The following PLCB4 variants were observed in gnomAD, a reference collection of about 807,000 sequenced individuals.
PLCB4 encodes phospholipase C beta 4, also known as 1-phosphatidylinositol 4,5-bisphosphate phosphodiesterase beta-4.
In PLCB4, 77 loss-of-function variants were observed where a neutral mutation model predicts 178.8. That is an observed-to-expected ratio of 0.43 (90% CI 0.36 to 0.52). PLCB4 has a LOEUF of 0.52. Ranked by LOEUF, PLCB4 falls within the 20% of genes least tolerant of loss-of-function variation. The pLI is 0.00. For synonymous variants in PLCB4, 496 were observed against 490.8 expected (o/e 1.01, Z -0.14); for missense variants, 1,024 against 1,453.4 (o/e 0.70, Z 4.80).
chr20:9,073,885 T>TA lies in PLCB4; in HGVS notation c.-135+4685dup, dbSNP rs71331359. Among the ~76,000 whole-genome samples the TA allele has an allele frequency of 2.8e-5, 4 of 140,934 alleles. No homozygotes were observed. The South Asian group carries it at 6.8e-4, about 24-fold the overall frequency. The allele number at this position is 140,934 out of a possible 152,430, so 92.5% of individuals were successfully genotyped here. ...CCTGGGTGACAGAGTGACAGTCTAT[T>TA]AAAAAATAATAATAAAATGAAAATA... On this transcript the variant is annotated intron_variant, in intron 1 of 39. Transcript: ENST00000378473.
At chr20:9,278,594 A>G (rs2094469126) in intron 3 of PLCB4, among the ~76,000 whole-genome samples, 1 of 152,110 alleles carries the variant, frequency 6.6e-6, no homozygotes, top group East Asian at 1.9e-4. Flanking sequence ...GCTTTACTAG[A>G]TGCTGGGCCC....
At chr20:9,303,892 C>T (rs2147848014) in intron 3 of PLCB4, among the ~76,000 whole-genome samples, 1 of 152,182 alleles carries the variant, frequency 6.6e-6, no homozygotes, top group South Asian at 2.1e-4. Flanking sequence ...ACAATATTCT[C>T]TTAGAATATT....
At chr20:9,171,310 T>C (rs916776582) in intron 2 of PLCB4, among the ~76,000 whole-genome samples, 29 of 152,340 alleles carry the variant, frequency 1.9e-4, no homozygotes, top group African/African-American at 6.5e-4. Flanking sequence ...CATCATTTAG[T>C]AGACAGTTTA....
At chr20:9,212,161 T>G (rs2093679872) in intron 2 of PLCB4, among the ~76,000 whole-genome samples, 1 of 152,230 alleles carries the variant, frequency 6.6e-6, no homozygotes, top group African/African-American at 2.4e-5. Flanking sequence ...GCCTGCCTTC[T>G]TGCTTCTCTT....
At chr20:9,255,455 C>T (rs1018809956) in intron 3 of PLCB4, among the ~76,000 whole-genome samples, 2 of 151,570 alleles carry the variant, frequency 1.3e-5, no homozygotes, top group Admixed American at 6.6e-5. Context: ...TAACTTGTCT[C>T]TCCTCTCTAC....
intron 3 of PLCB4, among the ~76,000 whole-genome samples, chr20:9,282,813 G>A (rs967489728): frequency 6.6e-6 from 1 of 151,960 alleles, no homozygotes; most frequent in Admixed American, 6.6e-5. Context: ...CACTTTATTT[G>A]GGGCCTCAGC....
chr20:9,373,167 C>T (rs372295477), intron 12 of PLCB4, 63 bp downstream of exon 12: 1 of 766,056 alleles, frequency 1.3e-6, no homozygotes, highest in Non-Finnish European at 2.3e-6. Flanking sequence ...TCTCTGGTGT[C>T]CTCATTGCAT....
chr20:9,454,918 G>A (rs866892487), intron 33 of PLCB4, among the ~76,000 whole-genome samples: 8 of 152,278 alleles, frequency 5.3e-5, no homozygotes, highest in Middle Eastern at 3.4e-3. Context: ...AGGTTTCACT[G>A]TGTATTATTG....
At chr20:9,346,122 G>T (rs6039443) in intron 7 of PLCB4, among the ~76,000 whole-genome samples, 42,286 of 152,078 alleles carry the variant, frequency 0.28, 8,903 homozygotes, top group African/African-American at 0.6. Context: ...TTCTTAGAAA[G>T]GCTATTGCAT....
intron 2 of PLCB4, among the ~76,000 whole-genome samples, chr20:9,182,954 A>G (rs1201933640): frequency 6.6e-6 from 1 of 152,166 alleles, no homozygotes; most frequent in Non-Finnish European, 1.5e-5. Flanking sequence ...CAGGGCCTGA[A>G]GCTACCACTC....
Position 9,338,026 on chromosome 20 carries a change from T to A in PLCB4, c.184T>A (p.Cys62Ser), listed in dbSNP as rs2032700099. 6.2e-7 allele frequency: 1 copy of A among 1,612,102 alleles called. No homozygotes were observed. Among genetic ancestry groups the A allele is most frequent in the Non-Finnish European group, 8.5e-7 (1 of 1,178,358 alleles). The change falls in exon 6 of 40, where the codon TGC becomes AGC. Residue 62 changes from cysteine to serine, a missense_variant. Cys to Ser is a moderately radical substitution (Grantham distance 112). This residue lies in a region of PLCB4 where 225 missense variants were observed against 291.0 expected (regional missense o/e 0.77). Coordinates refer to ENST00000378473, the MANE Select transcript of PLCB4 (RefSeq NM_001377142.1). ...SEGKEGQVLECSLINSIRSGA... is the reference protein window; with the variant it reads ...SEGKEGQVLESSLINSIRSGA... ...TCTTCAGGAAGGACAGGTGCTAGAATGCTCCCTCATCAACAGTATTCGGTC... is the reference window on the plus strand; with the variant it reads ...TCTTCAGGAAGGACAGGTGCTAGAAAGCTCCCTCATCAACAGTATTCGGTC...
At chr20:9,459,206 T>C (rs2043236970) in intron 34 of PLCB4, among the ~76,000 whole-genome samples, 1 of 152,100 alleles carries the variant, frequency 6.6e-6, no homozygotes, top group African/African-American at 2.4e-5. Flanking sequence ...TAGCTGGGCA[T>C]GGTGGCACGC....
chr20:9,330,060 A>T (rs2031399257), intron 4 of PLCB4, among the ~76,000 whole-genome samples: 2 of 152,208 alleles, frequency 1.3e-5, no homozygotes, highest in African/African-American at 2.4e-5. Flanking sequence ...ATCACAAAGG[A>T]TCTGCTAGGT....
intron 3 of PLCB4, among the ~76,000 whole-genome samples, chr20:9,236,359 T>C (rs1333241452): frequency 6.6e-6 from 1 of 152,196 alleles, no homozygotes; most frequent in Non-Finnish European, 1.5e-5. Context: ...AAGAACTACT[T>C]TACCTTCAAA....
At chr20:9,221,368 G>A (rs1328337571) in intron 3 of PLCB4, among the ~76,000 whole-genome samples, 3 of 152,266 alleles carry the variant, frequency 2.0e-5, no homozygotes, top group Middle Eastern at 3.4e-3. Flanking sequence ...AAGCAGCTTC[G>A]GTGGTTGAAG....
At chr20:9,257,710 C>G (rs1400122894) in intron 3 of PLCB4, among the ~76,000 whole-genome samples, 1 of 152,102 alleles carries the variant, frequency 6.6e-6, no homozygotes, top group Non-Finnish European at 1.5e-5. Flanking sequence ...GCTTCGAGAT[C>G]TTTCACTAAC....
chr20:9,458,894 T>C (rs890540277), intron 34 of PLCB4, among the ~76,000 whole-genome samples: 3 of 152,166 alleles, frequency 2.0e-5, no homozygotes, highest in Non-Finnish European at 4.4e-5. Context: ...TCTACCCTAG[T>C]GTCTATCAGG....
intron 3 of PLCB4, among the ~76,000 whole-genome samples, chr20:9,257,665 T>C (rs1376543533): frequency 1.3e-5 from 2 of 152,198 alleles, no homozygotes; most frequent in African/African-American, 4.8e-5. Context: ...AGAAGCCACA[T>C]AGATACATAT....
intron 30 of PLCB4, 76 bp downstream of exon 30, chr20:9,437,228 GAAATATAT>G: frequency 7.7e-7 from 1 of 1,301,038 alleles, no homozygotes; most frequent in Non-Finnish European, 1.1e-6. Context: ...ATAGCTTTAG[GAAATATAT>G]AAATTCGAAG....
Sources: gnomAD v4.1 joint callset for allele counts (sites outside exome capture counted in the v4.1 genomes callset) on GRCh38, gnomAD v4.1.1 for gene constraint, gnomAD v4.1.1 regional missense constraint, MANE v1.5 for transcripts, NCBI Gene and HGNC (gene_info 2026-07-23, HGNC 2026-07-21) for gene names.